MREG: variants seen among roughly 807,000 people sequenced by gnomAD.
MREG encodes the protein melanoregulin.
Under a neutral mutation model 28.5 loss-of-function variants are expected in MREG, and 31 were observed. The ratio of observed to expected loss-of-function variants is 1.09; its 90% confidence interval spans 0.82 to 1.47. MREG has a LOEUF of 1.47. MREG is among the 40% of genes most tolerant of loss of function. The pLI, the probability that MREG is intolerant of heterozygous loss-of-function variation, is 0.00. For synonymous variants in MREG, 106 were observed against 95.2 expected, an observed-to-expected ratio of 1.11 and a Z score of -0.66; for missense variants, 256 against 257.4, an observed-to-expected ratio of 0.99 and a Z score of 0.04.
intron 2 of MREG, among the ~76,000 whole-genome samples, chr2:215,994,706 G>C (rs1693817613): frequency 6.7e-6 from 1 of 149,614 alleles, no homozygotes; most frequent in Non-Finnish European, 1.5e-5. Context: ...AGACACAATG[G>C]GCCACTTTAG....
chr2:215,978,259 A>T (rs1050355094), intron 2 of MREG, among the ~76,000 whole-genome samples: 1 of 152,226 alleles, frequency 6.6e-6, no homozygotes, highest in Non-Finnish European at 1.5e-5. Context: ...AAACACCTCT[A>T]TGCAAATAAA....
chr2:216,007,982 A>T (rs139415604), intron 1 of MREG, among the ~76,000 whole-genome samples: 7,112 of 152,224 alleles, frequency 0.047, 192 homozygotes, highest in Middle Eastern at 0.085. Flanking sequence ...TAATCCTGCC[A>T]TCGGCTCACA....
At chr2:215,967,362 C>A (rs1692970071) in intron 2 of MREG, among the ~76,000 whole-genome samples, 1 of 152,172 alleles carries the variant, frequency 6.6e-6, no homozygotes, top group South Asian at 2.1e-4. Flanking sequence ...AGACAGGGTG[C>A]ATTTTAATAT....
chr2:215,966,313 C>T (rs892681410), intron 2 of MREG, among the ~76,000 whole-genome samples: 6 of 152,114 alleles, frequency 3.9e-5, no homozygotes, highest in African/African-American at 1.4e-4. Flanking sequence ...CTCATCCCGC[C>T]CCACTTCCAT....
chr2:215,993,515 A>G (rs1451307668), intron 2 of MREG, among the ~76,000 whole-genome samples: 1 of 152,196 alleles, frequency 6.6e-6, no homozygotes, highest in African/African-American at 2.4e-5. Flanking sequence ...GCATGGGCAA[A>G]GACTTCATGA....
upstream of MREG, among the ~76,000 whole-genome samples, chr2:216,033,472 TC>T (rs981135539): frequency 2.6e-5 from 4 of 151,738 alleles, no homozygotes; most frequent in African/African-American, 9.7e-5. Context: ...AAAGAGAGAA[TC>T]CAACAAGAGC....
chr2:215,964,472 ACT>A (rs1248122183), intron 2 of MREG, among the ~76,000 whole-genome samples: 1 of 123,808 alleles, frequency 8.1e-6, no homozygotes, highest in African/African-American at 3.1e-5. Context: ...TGACAGTAAG[ACT>A]CTGTCTCAAA....
chr2:216,013,217 C>G lies in MREG; in HGVS notation c.95+16G>C, dbSNP rs549057404. ...GCCCAGGTAAGCCCAGATCCCGGCC[C>G]GGGCGGCGCACCCACCTGACGAGGG... On this transcript the variant is annotated intron_variant, in intron 1 of 4. Transcript: ENST00000263268. 6.5e-7 allele frequency: 1 copy of G among 1,547,764 alleles called. No individual in the cohort carries two copies. The highest frequency in any genetic ancestry group is 8.7e-7 in the Non-Finnish European group (1 of 1,146,148).
At chr2:215,987,039 C>A (rs1389176167) in intron 2 of MREG, among the ~76,000 whole-genome samples, 2 of 152,178 alleles carry the variant, frequency 1.3e-5, no homozygotes, top group Non-Finnish European at 2.9e-5. Flanking sequence ...ACGTAAATAT[C>A]AATAGGAACT....
downstream of MREG, among the ~76,000 whole-genome samples, chr2:215,940,758 G>C (rs1393381352): frequency 2.6e-5 from 4 of 152,168 alleles, no homozygotes; most frequent in Non-Finnish European, 5.9e-5. Flanking sequence ...TGGGGAAAGG[G>C]AGAGATTTTA....
At chr2:215,994,517 T>A (rs894924984) in intron 2 of MREG, among the ~76,000 whole-genome samples, 5 of 151,022 alleles carry the variant, frequency 3.3e-5, no homozygotes, top group African/African-American at 1.2e-4. Flanking sequence ...CTATGTAACC[T>A]GCACATTCTG....
At chr2:215,970,369 G>A (rs1348338967) in intron 2 of MREG, among the ~76,000 whole-genome samples, 1 of 152,120 alleles carries the variant, frequency 6.6e-6, no homozygotes, top group Non-Finnish European at 1.5e-5. Context: ...ACAAATTTCT[G>A]TTGTTTAAGC....
chr2:216,029,671 AG>A (rs1370171709), intron 1 of MREG, among the ~76,000 whole-genome samples: 3 of 152,254 alleles, frequency 2.0e-5, no homozygotes, highest in African/African-American at 7.2e-5. Context: ...ACTCGCCAGA[AG>A]CTGAAATACA....
intron 1 of MREG, among the ~76,000 whole-genome samples, chr2:216,028,827 AACAGTAGGAATTGCAC>A (rs2105933213): frequency 6.6e-6 from 1 of 152,216 alleles, no homozygotes; most frequent in East Asian, 1.9e-4. Context: ...TGTCTATAAC[AACAGTAGGAATTGCAC>A]ACTTAAAATC....
intron 1 of MREG, among the ~76,000 whole-genome samples, chr2:216,025,263 G>A (rs1484714413): frequency 1.3e-5 from 2 of 152,092 alleles, no homozygotes; most frequent in African/African-American, 4.8e-5. Context: ...TAAAGATCTC[G>A]ACAGGACAAA....
intron 2 of MREG, among the ~76,000 whole-genome samples, chr2:215,968,353 C>T (rs903773341): frequency 3.3e-5 from 5 of 152,134 alleles, no homozygotes; most frequent in Non-Finnish European, 7.4e-5. Context: ...AATCTTGCTT[C>T]GGCAGGATAG....
intron 2 of MREG, among the ~76,000 whole-genome samples, chr2:215,960,056 T>C (rs1181965132): frequency 4.6e-5 from 7 of 152,024 alleles, no homozygotes; most frequent in African/African-American, 1.2e-4. Flanking sequence ...CCTGGGTTCA[T>C]GCTGTTCTCC....
chr2:215,978,723 T>C (rs1693328573), intron 2 of MREG, among the ~76,000 whole-genome samples: 1 of 152,254 alleles, frequency 6.6e-6, no homozygotes, highest in South Asian at 2.1e-4. Context: ...GCAAGCCTGG[T>C]TCAGCATACT....
intron 2 of MREG, among the ~76,000 whole-genome samples, chr2:215,959,360 C>T (rs1452626600): frequency 6.6e-6 from 1 of 152,138 alleles, no homozygotes; most frequent in African/African-American, 2.4e-5. Flanking sequence ...GTCACCCTTC[C>T]ACCTTATGTT....
Sources: allele counts gnomAD v4.1 joint callset (sites outside exome capture counted in the v4.1 genomes callset), GRCh38; gene constraint gnomAD v4.1.1; transcripts MANE v1.5; gene names NCBI Gene and HGNC (gene_info 2026-07-23, HGNC 2026-07-21).